OVOL2: variants seen among roughly 807,000 people sequenced by gnomAD.
OVOL2 encodes the protein transcription factor Ovo-like 2.
In OVOL2, 13 loss-of-function variants were observed where a neutral mutation model predicts 18.1. The ratio of observed to expected loss-of-function variants is 0.72; its 90% CI spans 0.47 to 1.14. The LOEUF is 1.14. Ranked by LOEUF, OVOL2 falls within the 50% of genes most tolerant of loss-of-function variation. The pLI is 0.00. For missense variants in OVOL2, 335 were observed against 383.0 expected, an observed-to-expected ratio of 0.87 and a Z score of 1.05; for synonymous variants, 166 against 162.7, an observed-to-expected ratio of 1.02 and a Z score of -0.16.
Position 18,024,717 on chromosome 20 carries a change from T to A in OVOL2, c.747A>T (p.Lys249Asn). Residue 249 changes from lysine to asparagine, a missense_variant, in exon 4 of 4, where the codon AAA becomes AAT. Physicochemically the swap from Lys to Asn is moderately conservative, Grantham distance 94 (BLOSUM62 0). Transcript: ENST00000278780. ...GSSFLKKTSK[K>N]LAALLQGKLT... The stretch of plus-strand genomic sequence containing the variant: ...GCTTGCCCTGCAGAAGGGCTGCCAG[T>A]TTTTTAGATGTCTTTTTGAGAAACG... 2 of 1,614,110 alleles carry A rather than the reference T, an allele frequency of 1.2e-6. No individual in the cohort carries two copies. Among genetic ancestry groups the A allele is most frequent in the Non-Finnish European group, 1.7e-6 (2 of 1,180,012 alleles).
At chr20:18,047,292 C>A (rs2036731279) in intron 2 of OVOL2, among the ~76,000 whole-genome samples, 1 of 152,104 alleles carries the variant, frequency 6.6e-6, no homozygotes, top group African/African-American at 2.4e-5. Flanking sequence ...GTGGGTGGAT[C>A]ACCTGAGGTC....
At chr20:18,054,426 G>GGC (rs2036798208) in intron 2 of OVOL2, among the ~76,000 whole-genome samples, 1 of 152,150 alleles carries the variant, frequency 6.6e-6, no homozygotes, top group African/African-American at 2.4e-5. Flanking sequence ...CCTTCTTGTG[G>GGC]TCCTGGGAGC....
At chr20:18,031,651 A>T (rs2036571424) in intron 3 of OVOL2, among the ~76,000 whole-genome samples, 1 of 152,222 alleles carries the variant, frequency 6.6e-6, no homozygotes, top group Admixed American at 6.5e-5. Flanking sequence ...TTTAAACTGT[A>T]CCTATATGTA....
rs867130910 is a variant in OVOL2, at chr20:18,057,815, C to G, written c.-181G>C. ...CCTCTCCCCCGCACGCCTGGCGACT[C>G]CCAGCCTCCCGGCTCGGCGACACCT... On this transcript the variant is annotated 5_prime_UTR_variant, in exon 1 of 4. Transcript: ENST00000278780. This position sits in a 1 kb window ranked among gnomAD's most constrained non-coding sequence, Gnocchi z 6.3. The G allele has an allele frequency of 9.5e-6, 13 of 1,365,764 alleles. No individual in the cohort carries two copies. The African/African-American group carries it at 1.7e-4, about 18-fold the overall frequency. The allele number at this position is 1,365,764 out of a possible 1,614,324, so 84.6% of individuals were successfully genotyped here. A position where few individuals can be genotyped will look rare whatever the true frequency, so the allele number is the denominator to read the frequency against.
chr20:18,053,652 G>A (rs936023060), intron 2 of OVOL2, among the ~76,000 whole-genome samples: 11 of 149,896 alleles, frequency 7.3e-5, no homozygotes, highest in Non-Finnish European at 1.6e-4. Context: ...AGTGAGCTGA[G>A]ATTGCGCAAC....
intron 2 of OVOL2, among the ~76,000 whole-genome samples, chr20:18,051,791 G>T (rs929798860): frequency 6.6e-6 from 1 of 152,150 alleles, no homozygotes; most frequent in African/African-American, 2.4e-5. Flanking sequence ...GGAGTGCAGT[G>T]GTGCAATCTT....
intron 3 of OVOL2, among the ~76,000 whole-genome samples, chr20:18,035,650 G>A (rs1179439094): frequency 6.6e-6 from 1 of 152,192 alleles, no homozygotes; most frequent in Non-Finnish European, 1.5e-5. Context: ...GTTCCTCTGA[G>A]CTTGCCACCA....
At chr20:18,035,317 G>T (rs2036606597) in intron 3 of OVOL2, among the ~76,000 whole-genome samples, 1 of 152,158 alleles carries the variant, frequency 6.6e-6, no homozygotes, top group Admixed American at 6.5e-5. Flanking sequence ...CAGGCGTGGT[G>T]GCATGTGCCT....
intron 3 of OVOL2, among the ~76,000 whole-genome samples, chr20:18,029,661 A>G (rs938207226): frequency 5.3e-5 from 8 of 152,118 alleles, no homozygotes; most frequent in Non-Finnish European, 1.2e-4. Flanking sequence ...GTGTAATGAC[A>G]ATGAATCTCC....
chr20:18,024,758 C>T lies in OVOL2; in HGVS notation c.706G>A (p.Ala236Thr), dbSNP rs1184238242. 6.2e-7 allele frequency: 1 copy of T among 1,614,172 alleles called. No individual in the cohort carries two copies. Among genetic ancestry groups the T allele is most frequent in the Admixed American group, 1.7e-5 (1 of 60,020 alleles). The change falls in exon 4 of 4, where the codon GCC (alanine) becomes ACC (threonine). Residue 236 changes from alanine (A) to threonine (T), a missense_variant. By Grantham distance (58) the Ala-to-Thr change is moderately conservative (BLOSUM62 0). Coordinates refer to ENST00000278780, the MANE Select transcript of OVOL2 (RefSeq NM_021220.4). ...TTGAGAAACGAGCTGCCCGGATGGG[C>T]ACTGTTCACGTGCAGGTACAGGTCC... ...QEDLYLHVNS[A>T]HPGSSFLKKT...
Position 18,057,511 on chromosome 20 carries a change from G to A in OVOL2, c.100+24C>T. On this transcript the variant is annotated intron_variant, in intron 1 of 3. Coordinates refer to ENST00000278780, the MANE Select transcript of OVOL2 (RefSeq NM_021220.4). The surrounding 1 kb of genome is among the most constrained non-coding windows in gnomAD (Gnocchi z 6.3). ...CCCCACCCCGGGAGCCCAGCGCCCA[G>A]GCCCGGCCCCCGCGCGCGCTCACCT... 1 of 1,542,898 alleles carries A rather than the reference G, an allele frequency of 6.5e-7. No homozygotes were observed. The highest frequency in any genetic ancestry group is 8.8e-7 in the Non-Finnish European group (1 of 1,142,844).
upstream of OVOL2, among the ~76,000 whole-genome samples, chr20:18,058,404 A>ACCCCCC (rs11326055): frequency 7.8e-6 from 1 of 128,932 alleles, no homozygotes; most frequent in Non-Finnish European, 1.7e-5. Context: ...CAGCTACAAC[A>ACCCCCC]CCCCCCCCCC....
In OVOL2 at chr20:18,057,006, G is replaced by T; in HGVS notation, c.101-129C>A. On this transcript the variant is annotated intron_variant, in intron 1 of 3. Coordinates refer to ENST00000278780, the MANE Select transcript of OVOL2 (RefSeq NM_021220.4). This position sits in a 1 kb window ranked among gnomAD's most constrained non-coding sequence, Gnocchi z 6.3. ...CTGGGCACCTCGCCAAGTGGGCAACGTCGCGGGGGAGGCCAGTAAGCCCCG... is the reference window on the plus strand; with the variant it reads ...CTGGGCACCTCGCCAAGTGGGCAACTTCGCGGGGGAGGCCAGTAAGCCCCG... The T allele has an allele frequency of 9.2e-7, 1 of 1,092,846 alleles. No individual in the cohort carries two copies. The highest frequency in any genetic ancestry group is 1.2e-6 in the Non-Finnish European group (1 of 822,374). 67.7% of individuals were successfully genotyped at this position (1,092,846 alleles called of 1,614,324 possible). A position where few individuals can be genotyped will look rare whatever the true frequency, so the allele number is the denominator to read the frequency against.
chr20:18,031,036 T>A (rs1388780594), intron 3 of OVOL2, among the ~76,000 whole-genome samples: 2 of 152,130 alleles, frequency 1.3e-5, no homozygotes, highest in African/African-American at 2.4e-5. Flanking sequence ...CCACTGAGGC[T>A]CACCCATCTT....
rs1287336187 is a variant in OVOL2 at position 18,056,867 on chromosome 20, G to A, written c.111C>T (p.Gly37=). 1 of 1,486,984 alleles carries A rather than the reference G, an allele frequency of 6.7e-7. No homozygotes were observed. The allele number at this position is 1,486,984 out of a possible 1,614,324, so 92.1% of individuals were successfully genotyped here. The part of the protein sequence containing the change: ...RADTYIPVGL[G]RLLHDPPEDC... ...CCTCGGGGGGGTCGTGGAGCAGGCG[G>A]CCTAGGCCCACTGTGGAGGGAGGGG... is the stretch of plus-strand genomic sequence containing the variant. The change falls in exon 2 of 4, where the codon GGC becomes GGT. Residue 37 remains glycine (G), a synonymous_variant. Coordinates refer to ENST00000278780, the MANE Select transcript of OVOL2 (RefSeq NM_021220.4). This position sits in a 1 kb window ranked among gnomAD's most constrained non-coding sequence, Gnocchi z 4.2.
rs1411511134 is a variant in OVOL2 at position 18,056,917 on chromosome 20, C to A, written c.101-40G>T. On this transcript the variant is annotated intron_variant, in intron 1 of 3. Transcript: ENST00000278780. This position sits in a 1 kb window ranked among gnomAD's most constrained non-coding sequence, Gnocchi z 4.2. Reference sequence around the variant, plus strand: ...GCCGCGCCCCGACACACACACTCGGCGTCAACCCGCACGCCCGCGGCAGTT... The same window carrying A: ...GCCGCGCCCCGACACACACACTCGGAGTCAACCCGCACGCCCGCGGCAGTT... 1.4e-6 allele frequency: 2 copies of A among 1,451,450 alleles called. No individual in the cohort carries two copies. The highest frequency in any genetic ancestry group is 1.8e-6 in the Non-Finnish European group (2 of 1,110,664). 89.9% of individuals were successfully genotyped at this position (1,451,450 alleles called of 1,614,324 possible).
At chr20:18,038,555 A>G (rs1274244553) in intron 3 of OVOL2, among the ~76,000 whole-genome samples, 2 of 152,178 alleles carry the variant, frequency 1.3e-5, no homozygotes, top group Non-Finnish European at 2.9e-5. Context: ...GTCTCCAGCA[A>G]TGGAGAATTA....
At chr20:18,032,259 A>C (rs937637701) in intron 3 of OVOL2, among the ~76,000 whole-genome samples, 3 of 145,644 alleles carry the variant, frequency 2.1e-5, no homozygotes, top group African/African-American at 7.9e-5. Flanking sequence ...GAAAGAAGAG[A>C]GGGAAAGAAA....
At chr20:18,047,617 G>C (rs934367314) in intron 2 of OVOL2, among the ~76,000 whole-genome samples, 4 of 148,686 alleles carry the variant, frequency 2.7e-5, no homozygotes, top group Non-Finnish European at 6.0e-5. Flanking sequence ...ACTTTGGGAG[G>C]CCAAGGCCGG....
Sources: allele counts gnomAD v4.1 joint callset (sites outside exome capture counted in the v4.1 genomes callset), GRCh38; gene constraint gnomAD v4.1.1; non-coding constraint Gnocchi (gnomAD v3.1); transcripts MANE v1.5; gene names NCBI Gene and HGNC (gene_info 2026-07-23, HGNC 2026-07-21).